The following ARFGEF2 variants were observed in gnomAD, a reference collection of about 807,000 sequenced individuals.
ARFGEF2 encodes the protein ARF guanine nucleotide exchange factor 2, also known as brefeldin A-inhibited guanine nucleotide-exchange protein 2.
In ARFGEF2, 74 loss-of-function variants were observed where a neutral mutation model predicts 219.9. That is an observed-to-expected ratio of 0.34 (90% CI 0.28 to 0.41). The LOEUF (loss-of-function observed/expected upper bound fraction) is 0.41. Among genes scored for constraint, ARFGEF2 ranks in the 10% least tolerant of loss-of-function variants. The pLI, the probability that ARFGEF2 is intolerant of heterozygous loss-of-function variation, is 1.00. For synonymous variants in ARFGEF2, 733 were observed against 799.2 expected (o/e 0.92, Z 1.40); for missense variants, 1,743 against 2,218.3 (o/e 0.79, Z 4.30).
At position 49,036,003 on chromosome 20, in the gene ARFGEF2, A is replaced by AG; in HGVS notation, c.*2804_*2805insG. 2.5e-6 allele frequency: 1 copy of AG among 396,028 alleles called. No individual in the cohort carries two copies. The highest frequency in any genetic ancestry group is 3.6e-5 in the East Asian group (1 of 27,934). The allele number at this position is 396,028 out of a possible 1,614,324, so 24.5% of individuals were successfully genotyped here. On this transcript the variant is annotated 3_prime_UTR_variant, in exon 39 of 39. Coordinates refer to ENST00000371917, the MANE Select transcript of ARFGEF2 (RefSeq NM_006420.3). The stretch of plus-strand genomic sequence containing the variant: ...ACTTTTGTACGAAATGAAAAAAAAA[A>AG]AACCTGTATTTTTTTTGTTGTTCTT...
chr20:48,946,779 C>T (rs112913747), intron 3 of ARFGEF2, among the ~76,000 whole-genome samples: 3 of 151,668 alleles, frequency 2.0e-5, no homozygotes, highest in Non-Finnish European at 2.9e-5. Context: ...GGATTACAGG[C>T]GTGAGCCACT....
Position 48,989,704 on chromosome 20 carries a change from A to C in ARFGEF2, c.2814+20A>C. On this transcript the variant is annotated intron_variant, in intron 20 of 38. Coordinates refer to ENST00000371917, the MANE Select transcript of ARFGEF2 (RefSeq NM_006420.3). ...ATGCAGGTAGGTGTAAGTCAGCAAC[A>C]CTCCAGAGATACTGGTGGGTTGTGC... 6.2e-7 allele frequency: 1 copy of C among 1,613,902 alleles called. No homozygotes were observed. Among genetic ancestry groups the C allele is most frequent in the Non-Finnish European group, 8.5e-7 (1 of 1,179,994 alleles).
At chr20:48,984,971 T>G (rs985611453) in intron 15 of ARFGEF2, 131 bp downstream of exon 15, 1 of 1,519,612 alleles carries the variant, frequency 6.6e-7, no homozygotes, top group African/African-American at 1.4e-5. Context: ...ATACATTGTC[T>G]ATTGTCCACC....
At chr20:49,022,058 G>A (rs1314980559) in intron 34 of ARFGEF2, among the ~76,000 whole-genome samples, 1 of 150,788 alleles carries the variant, frequency 6.6e-6, no homozygotes, top group African/African-American at 2.4e-5. Context: ...GGGAGGCTGA[G>A]GCGGGAGAAT....
At position 48,989,286 on chromosome 20, in the gene ARFGEF2, T is replaced by C. The variant is rs2091343874; in HGVS notation, c.2535T>C (p.Asn845=). The change falls in exon 19 of 39, where the codon AAT becomes AAC. Residue 845 remains asparagine, a splice_region_variant and synonymous_variant. Coordinates refer to ENST00000371917, the MANE Select transcript of ARFGEF2 (RefSeq NM_006420.3). ...ACCTATCATGCTCTTACTTTACAGA[T>C]GTAGCTAGTGAAAAGCAGCGGCGGC... ...LTIATKSTKQ[N]VASEKQRRLL... is the part of the protein sequence containing the mutation. 3 of 1,614,170 alleles carry C rather than the reference T, an allele frequency of 1.9e-6. No homozygotes were observed. The Admixed American group carries it at 5.0e-5, about 27-fold the overall frequency.
At chr20:49,010,486 C>A in intron 27 of ARFGEF2, 82 bp downstream of exon 27, 1 of 1,524,244 alleles carries the variant, frequency 6.6e-7, no homozygotes, top group Non-Finnish European at 9.0e-7. Context: ...TTACTACCTA[C>A]AGGGGCTTCC....
chr20:49,032,039 AT>A lies in ARFGEF2; in HGVS notation c.5064-8del. 4 of 1,597,670 alleles carry A rather than the reference AT, an allele frequency of 2.5e-6. No homozygotes were observed. The highest frequency in any genetic ancestry group is 3.4e-6 in the Non-Finnish European group (4 of 1,165,100). ...TGTTTGATATGCCTCCCCCTCTCTA[AT>A]TCTTCTAGTGTTTGCAGTGAAGCTC... On this transcript the variant is annotated splice_polypyrimidine_tract_variant and intron_variant, in intron 37 of 38. Coordinates refer to ENST00000371917, the MANE Select transcript of ARFGEF2 (RefSeq NM_006420.3).
intron 23 of ARFGEF2, 73 bp from the exon 24 acceptor site, chr20:48,998,120 A>G (rs760402395): frequency 4.8e-5 from 70 of 1,451,516 alleles, no homozygotes; most frequent in Non-Finnish European, 6.5e-5. Context: ...TCGGCCTCCC[A>G]AAGTGCTGAG....
intron 3 of ARFGEF2, among the ~76,000 whole-genome samples, chr20:48,950,805 AAAAAAAATATATATATATATATAT>A (rs1270658679): frequency 5.0e-5 from 2 of 40,240 alleles, no homozygotes; most frequent in African/African-American, 2.6e-4. Flanking sequence ...AAAAAAAAAA[AAAAAAAATATATATATATATATAT>A]ATATATATAT....
At chr20:48,963,797 AC>A (rs1233400799) in intron 6 of ARFGEF2, 32 bp from the exon 7 acceptor site, 1 of 1,601,104 alleles carries the variant, frequency 6.2e-7, no homozygotes, top group African/African-American at 1.3e-5. Context: ...GAAAATGCCC[AC>A]GTGTGTTTTG....
chr20:48,978,820 T>G (rs1208581887), intron 14 of ARFGEF2, among the ~76,000 whole-genome samples: 1 of 152,236 alleles, frequency 6.6e-6, no homozygotes, highest in Non-Finnish European at 1.5e-5. Flanking sequence ...TGCACATTGA[T>G]TTTATATTCT....
rs1325223579 is a variant in ARFGEF2, at chr20:48,984,766, C to T, written c.1996C>T (p.Gln666Ter). 3 of 1,613,832 alleles carry T rather than the reference C, an allele frequency of 1.9e-6. No homozygotes were observed. Among genetic ancestry groups the T allele is most frequent in the East Asian group, 2.2e-5 (1 of 44,866 alleles). The change falls in exon 15 of 39, where the codon CAG (glutamine) becomes TAG (stop). Residue 666 changes from glutamine to a stop codon, truncating the protein, a stop_gained. Transcript: ENST00000371917. LOFTEE classifies it high-confidence loss of function. ...KKPKRGIQFL[Q>*]EQGMLGTSVE... is the part of the protein sequence containing the mutation. The stretch of plus-strand genomic sequence containing the variant: ...ACCCAAGAGGGGGATCCAGTTTCTC[C>T]AGGAGCAGGGCATGCTGGGAACGTC...
At chr20:48,995,419 G>C (rs1287956330) in intron 22 of ARFGEF2, among the ~76,000 whole-genome samples, 1 of 152,168 alleles carries the variant, frequency 6.6e-6, no homozygotes, top group African/African-American at 2.4e-5. Context: ...ATGAAAGTCT[G>C]TGAAGCACAC....
chr20:48,971,138 C>G lies in ARFGEF2; in HGVS notation c.1209C>G (p.Ser403=). The change falls in exon 10 of 39, where the codon TCC becomes TCG. Residue 403 remains serine, a synonymous_variant. Transcript: ENST00000371917. The stretch of plus-strand genomic sequence containing the variant: ...TTGCCAGATCCCATGAGCTGCGTTC[C>G]AAGGTGGTTTCCCTGCAGCTGCTCC... ...PPDPKSHELR[S]KVVSLQLLLS... 2 of 1,614,064 alleles carry G rather than the reference C, an allele frequency of 1.2e-6. No homozygotes were observed. The highest frequency in any genetic ancestry group is 1.7e-6 in the Non-Finnish European group (2 of 1,180,010).
At chr20:48,998,557 C>T in intron 25 of ARFGEF2, 52 bp downstream of exon 25, 1 of 1,495,628 alleles carries the variant, frequency 6.7e-7, no homozygotes, top group Non-Finnish European at 9.2e-7. Flanking sequence ...AAAAAGTAGA[C>T]AACTGAATTC....
chr20:49,011,997 C>T lies in ARFGEF2; in HGVS notation c.3831C>T (p.Phe1277=), dbSNP rs2091502288. 1.1e-5 allele frequency: 17 copies of T among 1,614,218 alleles called. No homozygotes were observed. Among genetic ancestry groups the T allele is most frequent in the South Asian group, 9.9e-5 (9 of 91,082 alleles). ...ATGCTGTGAAGTGCTTATCAGAGTT[C>T]GCCTGCAACGCCGCTTTCCCTGACA... The part of the protein sequence containing the change: ...FQDAVKCLSE[F]ACNAAFPDTS... Residue 1277 remains phenylalanine, a synonymous_variant, in exon 28 of 39, where the codon TTC becomes TTT. Transcript: ENST00000371917.
intron 6 of ARFGEF2, among the ~76,000 whole-genome samples, chr20:48,956,594 G>A (rs957379848): frequency 1.3e-5 from 2 of 151,914 alleles, no homozygotes; most frequent in African/African-American, 4.8e-5. Context: ...TTTTTTTTGA[G>A]AATGAGTCTC....
intron 7 of ARFGEF2, 103 bp from the exon 8 acceptor site, chr20:48,965,769 G>C (rs2091183322): frequency 7.0e-7 from 1 of 1,419,726 alleles, no homozygotes; most frequent in African/African-American, 1.4e-5. Context: ...AGGGGAAAAA[G>C]CAACAGCTGG....
chr20:49,005,913 T>C (rs558678271), intron 26 of ARFGEF2, among the ~76,000 whole-genome samples: 1 of 152,198 alleles, frequency 6.6e-6, no homozygotes, highest in Non-Finnish European at 1.5e-5. Context: ...TACCGGGCCC[T>C]GTGAAGCAGC....
Sources: allele counts gnomAD v4.1 joint callset (sites outside exome capture counted in the v4.1 genomes callset), GRCh38; gene constraint gnomAD v4.1.1; transcripts MANE v1.5; gene names NCBI Gene and HGNC (gene_info 2026-07-23, HGNC 2026-07-21).